ITSN1: variants seen among roughly 807,000 people sequenced by gnomAD.
ITSN1 encodes intersectin 1.
A neutral mutation model predicts 239.8 loss-of-function variants in ITSN1; 58 were observed. The observed-to-expected ratio is 0.24, with a 90% confidence interval of 0.20 to 0.30. ITSN1 has a LOEUF of 0.30. Among genes scored for constraint, ITSN1 ranks in the 10% least tolerant of loss-of-function variants. The probability of loss-of-function intolerance (pLI) is 1.00; values close to 1 mark genes in which losing one functional copy is unlikely to be tolerated. For missense variants in ITSN1, 1,558 were observed against 2,103.3 expected, an observed-to-expected ratio of 0.74 and a Z score of 5.07; for synonymous variants, 780 against 770.8, an observed-to-expected ratio of 1.01 and a Z score of -0.20.
chr21:33,751,594 C>T (rs2067558237), intron 6 of ITSN1, among the ~76,000 whole-genome samples: 1 of 152,110 alleles, frequency 6.6e-6, no homozygotes, highest in Admixed American at 6.5e-5. Flanking sequence ...AGCATTACTA[C>T]ATAGTAAGGT....
intron 29 of ITSN1, among the ~76,000 whole-genome samples, chr21:33,843,776 A>G (rs1395942091): frequency 2.0e-5 from 3 of 152,208 alleles, no homozygotes; most frequent in Non-Finnish European, 4.4e-5. Flanking sequence ...CAGCTCTGCT[A>G]CTTACTAGTG....
intron 16 of ITSN1, among the ~76,000 whole-genome samples, chr21:33,793,477 A>G (rs1017428061): frequency 2.6e-5 from 4 of 152,160 alleles, no homozygotes; most frequent in Non-Finnish European, 5.9e-5. Context: ...GACTCAATCT[A>G]TTGGTGACCA....
rs1985141389 is a variant in ITSN1, at chr21:33,882,783, G to A, written c.4554+328G>A. Among the ~76,000 whole-genome samples, 2 of 152,136 alleles carry A rather than the reference G, an allele frequency of 1.3e-5. No individual in the cohort carries two copies. Among genetic ancestry groups the A allele is most frequent in the African/African-American group, 4.8e-5 (2 of 41,428 alleles). On this transcript the variant is annotated intron_variant, in intron 35 of 39. Transcript: ENST00000381318. This position sits in a 1 kb window ranked among gnomAD's most constrained non-coding sequence, Gnocchi z 4.5. ...TGTGAAAAAGCTCGGGAGAAGAGGT[G>A]CAAAACAGCACCCAGGGCCCACCGT... is the stretch of plus-strand genomic sequence containing the variant.
chr21:33,887,083 TGAG>T (rs1985915990), intron 39 of ITSN1, among the ~76,000 whole-genome samples: 1 of 152,102 alleles, frequency 6.6e-6, no homozygotes, highest in South Asian at 2.1e-4. Flanking sequence ...TTTGGGAGGC[TGAG>T]GCAGGAGGAT....
At chr21:33,835,792 G>T (rs546446988) in intron 28 of ITSN1, among the ~76,000 whole-genome samples, 1 of 152,126 alleles carries the variant, frequency 6.6e-6, no homozygotes, top group Non-Finnish European at 1.5e-5. Flanking sequence ...TTAGCCAGGC[G>T]TAGTGGTGCA....
chr21:33,753,761 T>TAAAAAAAA lies in ITSN1; in HGVS notation c.624-1515_624-1508dup, dbSNP rs760085854. Among the ~76,000 whole-genome samples, 216 of 81,752 alleles carry TAAAAAAAA rather than the reference T, an allele frequency of 2.6e-3. 8 individuals carry two copies. Among genetic ancestry groups the TAAAAAAAA allele is most frequent in the African/African-American group, 7.9e-3 (139 of 17,562 alleles). The allele number at this position is 81,752 out of a possible 152,430, so 53.6% of individuals were successfully genotyped here. On this transcript the variant is annotated intron_variant, in intron 7 of 39. Coordinates refer to ENST00000381318, the MANE Select transcript of ITSN1 (RefSeq NM_003024.3). ...TGGGTGACACGGCAAGTCTCTTTCT[T>TAAAAAAAA]AAAAAAAAAAAAAAAAAAAAAAAAA...
At chr21:33,858,904 CT>C (rs60886019) in intron 31 of ITSN1, 112 bp downstream of exon 31, 27,528 of 406,900 alleles carry the variant, frequency 0.068, no homozygotes, top group South Asian at 0.091. Context: ...TTCTTTCTGG[CT>C]TTTTTTTTTT....
chr21:33,834,671 A>G (rs959738435), intron 28 of ITSN1, among the ~76,000 whole-genome samples: 4 of 152,184 alleles, frequency 2.6e-5, no homozygotes, highest in African/African-American at 9.6e-5. Context: ...TGCAGGAGTC[A>G]TGAATGCTGT....
chr21:33,669,145 C>CG (rs2090102413), intron 1 of ITSN1, among the ~76,000 whole-genome samples: 1 of 152,202 alleles, frequency 6.6e-6, no homozygotes, highest in African/African-American at 2.4e-5. Flanking sequence ...TGCAATGGTG[C>CG]GATCTCTGCT....
chr21:33,673,900 A>C (rs1171965781), intron 1 of ITSN1, among the ~76,000 whole-genome samples: 1 of 152,220 alleles, frequency 6.6e-6, no homozygotes, highest in Non-Finnish European at 1.5e-5. Context: ...ATTACATCAA[A>C]CTTCTGTACA....
intron 34 of ITSN1, among the ~76,000 whole-genome samples, chr21:33,879,968 C>T (rs1984634421): frequency 6.6e-6 from 1 of 152,274 alleles, no homozygotes; most frequent in East Asian, 1.9e-4. Context: ...GTGTGATCCA[C>T]TGCATCCAGC....
chr21:33,879,547 C>T (rs1984550316), intron 34 of ITSN1, among the ~76,000 whole-genome samples: 3 of 152,198 alleles, frequency 2.0e-5, no homozygotes, highest in African/African-American at 7.2e-5. Flanking sequence ...TCAAGCAGCC[C>T]CTGCACTGCC....
chr21:33,686,202 A>G (rs975547630), intron 1 of ITSN1, among the ~76,000 whole-genome samples: 3 of 152,002 alleles, frequency 2.0e-5, no homozygotes, highest in African/African-American at 7.3e-5. Flanking sequence ...CATTCTACCT[A>G]TTTCATAGGG....
chr21:33,833,143 A>C (rs2074392046), intron 27 of ITSN1, among the ~76,000 whole-genome samples: 1 of 151,830 alleles, frequency 6.6e-6, no homozygotes, highest in Admixed American at 6.6e-5. Flanking sequence ...TTGTGTCCTA[A>C]CTGCAAAACC....
rs181860395 is a variant in ITSN1, at chr21:33,658,055, G to A, written c.-33+15342G>A. Among the ~76,000 whole-genome samples, 4 of 152,234 alleles carry A rather than the reference G, an allele frequency of 2.6e-5. No homozygotes were observed. The East Asian group carries it at 7.7e-4, about 29-fold the overall frequency. On this transcript the variant is annotated intron_variant, in intron 1 of 39. Transcript: ENST00000381318. ...ACTAATGACCTATTGTTGACCAGAAGCCTTACTGATAACATAGTCCATGAA... is the reference window on the plus strand; with the variant it reads ...ACTAATGACCTATTGTTGACCAGAAACCTTACTGATAACATAGTCCATGAA...
At chr21:33,786,561 G>A (rs369253961) in intron 16 of ITSN1, among the ~76,000 whole-genome samples, 10 of 152,200 alleles carry the variant, frequency 6.6e-5, no homozygotes, top group African/African-American at 2.2e-4. Context: ...GATGTCAGTA[G>A]TTACTGTAGC....
At chr21:33,887,713 C>T (rs1434915780) in intron 39 of ITSN1, among the ~76,000 whole-genome samples, 1 of 152,156 alleles carries the variant, frequency 6.6e-6, no homozygotes, top group Non-Finnish European at 1.5e-5. Context: ...TCAAGCAATC[C>T]TCCTGCCTCA....
At chr21:33,650,105 G>A (rs1187743000) in intron 1 of ITSN1, among the ~76,000 whole-genome samples, 4 of 151,788 alleles carry the variant, frequency 2.6e-5, no homozygotes, top group African/African-American at 9.7e-5. Flanking sequence ...TTTTACCCTT[G>A]GTGGTTAAAA....
chr21:33,691,572 A>G (rs1323167111), intron 1 of ITSN1, among the ~76,000 whole-genome samples: 2 of 152,210 alleles, frequency 1.3e-5, no homozygotes, highest in East Asian at 3.8e-4. Flanking sequence ...TGCTAAGTGG[A>G]GACATCAAGG....
Sources: allele counts gnomAD v4.1 joint callset (sites outside exome capture counted in the v4.1 genomes callset), GRCh38; gene constraint gnomAD v4.1.1; non-coding constraint Gnocchi (gnomAD v3.1); transcripts MANE v1.5; gene names NCBI Gene and HGNC (gene_info 2026-07-23, HGNC 2026-07-21).